The following BTG4 variants were observed in gnomAD, a reference collection of about 807,000 sequenced individuals.
BTG4 encodes BTG anti-proliferation factor 4.
BTG4 carries 10 observed loss-of-function variants against 19.3 expected under a neutral mutation model. That is an observed-to-expected ratio of 0.52 (90% CI 0.32 to 0.88). BTG4 has a LOEUF of 0.88. Among genes scored for constraint, BTG4 ranks in the 40% least tolerant of loss-of-function variants. The pLI is 0.04. For synonymous variants in BTG4, 91 were observed against 95.7 expected (o/e 0.95, Z 0.29); for missense variants, 238 against 281.9 (o/e 0.84, Z 1.11).
the BTG4 span, among the ~76,000 whole-genome samples, chr11:111,442,011 A>G: frequency 2.0e-5 from 3 of 152,160 alleles, no homozygotes; most frequent in African/African-American, 7.2e-5. Flanking sequence ...GTGAGCCGAG[A>G]TCGCACCAGT....
Position 111,497,339 on chromosome 11 carries a change from G to T in BTG4, c.382C>A (p.Gln128Lys). The T allele has an allele frequency of 6.4e-7, 1 of 1,557,652 alleles. No individual in the cohort carries two copies. Among genetic ancestry groups the T allele is most frequent in the Non-Finnish European group, 8.7e-7 (1 of 1,155,830 alleles). ...CTACTAACGGCATAACTGATTTGTT[G>T]ATATAGTTCCCATTCCTCCCATCTG... ...KGRWEEWELY[Q>K]QISYAVSRAS... Residue 128 changes from glutamine (Q) to lysine (K), a missense_variant, in exon 4 of 5, where the codon CAA becomes AAA. Coordinates refer to ENST00000692032, the MANE Select transcript of BTG4 (RefSeq NM_001367975.1).
intron 5 of BTG4, among the ~76,000 whole-genome samples, chr11:111,487,850 C>T (rs1865159625): frequency 1.3e-5 from 2 of 152,068 alleles, no homozygotes; most frequent in Admixed American, 6.6e-5. Flanking sequence ...CAAGAAGCTA[C>T]TCCCATTTAC....
At chr11:111,421,528 T>C in the BTG4 span, among the ~76,000 whole-genome samples, 166 of 152,340 alleles carry the variant, frequency 1.1e-3, no homozygotes, top group African/African-American at 3.8e-3. Flanking sequence ...AATTAACTGA[T>C]GTCTGCACCT....
At chr11:111,407,634 G>T in the BTG4 span, among the ~76,000 whole-genome samples, 6 of 152,184 alleles carry the variant, frequency 3.9e-5, no homozygotes, top group Non-Finnish European at 7.3e-5. Context: ...TCGCACCATC[G>T]CACTCCAGCG....
intron 2 of BTG4, 69 bp from the exon 3 acceptor site, chr11:111,498,204 C>T: frequency 3.2e-6 from 5 of 1,551,756 alleles, no homozygotes; most frequent in East Asian, 2.2e-5. Context: ...ACATTATGCA[C>T]ATACTGTTCC....
At chr11:111,429,686 A>G in the BTG4 span, among the ~76,000 whole-genome samples, 1 of 152,238 alleles carries the variant, frequency 6.6e-6, no homozygotes, top group Admixed American at 6.5e-5. Context: ...CTCATTAGCT[A>G]TAAGAGAAAC....
intron 1 of BTG4, among the ~76,000 whole-genome samples, chr11:111,511,188 C>T (rs895471571): frequency 4.6e-5 from 7 of 152,164 alleles, no homozygotes; most frequent in Non-Finnish European, 7.3e-5. Context: ...TTTAATTCTA[C>T]GAGTTAATTT....
chr11:111,487,976 C>T (rs553807070), intron 5 of BTG4, among the ~76,000 whole-genome samples: 2 of 152,140 alleles, frequency 1.3e-5, no homozygotes, highest in East Asian at 1.9e-4. Context: ...AAAATGGAGA[C>T]GTTCCATGTT....
At chr11:111,449,047 G>T in the BTG4 span, among the ~76,000 whole-genome samples, 1 of 152,178 alleles carries the variant, frequency 6.6e-6, no homozygotes, top group African/African-American at 2.4e-5. Context: ...CAACTTGAAC[G>T]TTCTCTGCAA....
At chr11:111,399,622 G>A in the BTG4 span, among the ~76,000 whole-genome samples, 3 of 152,198 alleles carry the variant, frequency 2.0e-5, no homozygotes, top group Non-Finnish European at 4.4e-5. Context: ...GAGAAGGTAA[G>A]ACCTACTTGC....
chr11:111,461,546 C>A, the BTG4 span, among the ~76,000 whole-genome samples: 11,266 of 152,208 alleles, frequency 0.074, 579 homozygotes, highest in Non-Finnish European at 0.11. Context: ...CACGGTGAAA[C>A]CCCGTCTCTA....
chr11:111,384,938 G>A, the BTG4 span: 25 of 152,112 alleles, frequency 1.6e-4, no homozygotes, highest in Admixed American at 8.5e-4. Context: ...TAATGCTTTC[G>A]TTTTCTAAGG....
chr11:111,481,637 G>A (rs1394105394), intron 5 of BTG4, among the ~76,000 whole-genome samples: 1 of 151,650 alleles, frequency 6.6e-6, no homozygotes, highest in African/African-American at 2.4e-5. Flanking sequence ...ATCAAGTTGG[G>A]TTTATTTCAT....
intron 5 of BTG4, among the ~76,000 whole-genome samples, chr11:111,470,429 A>G (rs575334485): frequency 5.9e-5 from 9 of 152,278 alleles, no homozygotes; most frequent in African/African-American, 1.9e-4. Flanking sequence ...CAGTAGTTAC[A>G]TGACTGAGTC....
the BTG4 span, among the ~76,000 whole-genome samples, chr11:111,407,126 T>C: frequency 6.7e-6 from 1 of 149,236 alleles, no homozygotes; most frequent in South Asian, 2.1e-4. Flanking sequence ...TATCATATAC[T>C]ATATATTATT....
chr11:111,488,485 C>T (rs1039064942), intron 5 of BTG4, among the ~76,000 whole-genome samples: 9 of 152,242 alleles, frequency 5.9e-5, no homozygotes, highest in South Asian at 4.1e-4. Flanking sequence ...AGATCTGAAA[C>T]TATGAAACTA....
the BTG4 span, among the ~76,000 whole-genome samples, chr11:111,395,831 C>G: frequency 1.4e-4 from 21 of 152,204 alleles, no homozygotes; most frequent in African/African-American, 5.1e-4. Context: ...GGCAATGCCC[C>G]CTTTGAACTT....
chr11:111,425,817 A>C, the BTG4 span, among the ~76,000 whole-genome samples: 1 of 152,190 alleles, frequency 6.6e-6, no homozygotes, highest in African/African-American at 2.4e-5. Context: ...AGATCGCTTG[A>C]GCTCAACAGT....
the BTG4 span, among the ~76,000 whole-genome samples, chr11:111,389,576 TGC>T: frequency 6.6e-6 from 1 of 152,220 alleles, no homozygotes; most frequent in Admixed American, 6.5e-5. Context: ...AAGTGCACAA[TGC>T]CCAGAATATA....
Sources: gnomAD v4.1 joint callset for allele counts (sites outside exome capture counted in the v4.1 genomes callset) on GRCh38, gnomAD v4.1.1 for gene constraint, MANE v1.5 for transcripts, NCBI Gene and HGNC (gene_info 2026-07-23, HGNC 2026-07-21) for gene names.